PDE1A: variants seen among roughly 807,000 people sequenced by gnomAD.
PDE1A encodes the protein phosphodiesterase 1A, also known as dual specificity calcium/calmodulin-dependent 3',5'-cyclic nucleotide phosphodiesterase 1A.
PDE1A carries 35 observed loss-of-function variants against 61.7 expected under a neutral mutation model. The ratio of observed to expected loss-of-function variants is 0.57; its 90% CI spans 0.43 to 0.75. The LOEUF is 0.75. Ranked by LOEUF, PDE1A falls within the 30% of genes least tolerant of loss-of-function variation. The pLI is 0.00. For synonymous variants in PDE1A, 232 were observed against 213.2 expected, an observed-to-expected ratio of 1.09 and a Z score of -0.77; for missense variants, 597 against 630.6, an observed-to-expected ratio of 0.95 and a Z score of 0.57.
chr2:182,588,252 C>T, the PDE1A span, among the ~76,000 whole-genome samples: 2 of 152,176 alleles, frequency 1.3e-5, no homozygotes, highest in African/African-American at 4.8e-5. Context: ...AGTTGAGCTT[C>T]TCTCTCCAGT....
chr2:182,505,613 A>T (rs1310563571), intron 2 of PDE1A, among the ~76,000 whole-genome samples: 1 of 152,090 alleles, frequency 6.6e-6, no homozygotes, highest in Non-Finnish European at 1.5e-5. Flanking sequence ...GGAGTGGTTT[A>T]TATCCACCCC....
chr2:182,557,347 G>A, the PDE1A span, among the ~76,000 whole-genome samples: 2 of 152,110 alleles, frequency 1.3e-5, no homozygotes, highest in Non-Finnish European at 2.9e-5. Context: ...ATTATTGTCT[G>A]AACATAATTT....
chr2:182,573,860 T>C, the PDE1A span, among the ~76,000 whole-genome samples: 1 of 144,226 alleles, frequency 6.9e-6, no homozygotes, highest in African/African-American at 2.6e-5. Flanking sequence ...TATATATTTA[T>C]ATATACATAT....
chr2:182,330,614 C>A (rs1261681339), intron 1 of PDE1A, among the ~76,000 whole-genome samples: 4 of 152,158 alleles, frequency 2.6e-5, no homozygotes, highest in Admixed American at 1.3e-4. Context: ...ACTGTCCCCT[C>A]TGTCGCCCTC....
the PDE1A span, among the ~76,000 whole-genome samples, chr2:182,589,798 C>T: frequency 6.6e-6 from 1 of 152,192 alleles, no homozygotes. Flanking sequence ...CTATTCCATA[C>T]ATCAGTCCCA....
chr2:182,223,386 A>G (rs957018307), intron 7 of PDE1A, among the ~76,000 whole-genome samples: 4 of 152,084 alleles, frequency 2.6e-5, no homozygotes, highest in Admixed American at 1.3e-4. Flanking sequence ...AATAACTTCC[A>G]TTGTAACCAT....
At chr2:182,543,454 G>T in the PDE1A span, among the ~76,000 whole-genome samples, 12 of 152,272 alleles carry the variant, frequency 7.9e-5, no homozygotes, top group East Asian at 2.1e-3. Flanking sequence ...ACTGAGATTT[G>T]TTTGGGTAGT....
chr2:182,229,710 T>A (rs1238184908), intron 6 of PDE1A, among the ~76,000 whole-genome samples: 3 of 152,100 alleles, frequency 2.0e-5, no homozygotes, highest in Non-Finnish European at 4.4e-5. Flanking sequence ...TAGGTCACTT[T>A]TTTTGGTTGA....
At chr2:182,203,017 T>TA (rs1014543437) in intron 8 of PDE1A, among the ~76,000 whole-genome samples, 7 of 152,216 alleles carry the variant, frequency 4.6e-5, no homozygotes, top group Non-Finnish European at 8.8e-5. Context: ...ATTGCCTTTT[T>TA]AAAAAAACTA....
Position 182,498,702 on chromosome 2 carries a change from T to C in PDE1A, c.101+23574A>G, listed in dbSNP as rs570901975. Among the ~76,000 whole-genome samples, 9 of 152,156 alleles carry C rather than the reference T, an allele frequency of 5.9e-5. 1 individual carries two copies. The South Asian group carries it at 1.7e-3, about 28-fold the overall frequency. On this transcript the variant is annotated intron_variant, in intron 2 of 14. Coordinates refer to the PDE1A transcript ENST00000410103. ...GCTGACACCTGTAATTCCAGCACTT[T>C]GGGAGGTCGAGGCAGGCAGATCATG...
chr2:182,592,709 G>A, the PDE1A span, among the ~76,000 whole-genome samples: 1 of 152,148 alleles, frequency 6.6e-6, no homozygotes, highest in South Asian at 2.1e-4. Context: ...AGGTGTTTTG[G>A]ATAAATTATA....
chr2:182,218,905 C>T (rs932196680), intron 7 of PDE1A, among the ~76,000 whole-genome samples: 7 of 151,998 alleles, frequency 4.6e-5, no homozygotes, highest in African/African-American at 1.2e-4. Context: ...AATCCAGACA[C>T]CTGCAAAATA....
At chr2:182,638,800 G>A in the PDE1A span, among the ~76,000 whole-genome samples, 1 of 152,148 alleles carries the variant, frequency 6.6e-6, no homozygotes, top group Non-Finnish European at 1.5e-5. Flanking sequence ...CTAGGGGCTC[G>A]CACTGAGATG....
chr2:182,209,946 G>T (rs1294283119), intron 7 of PDE1A, among the ~76,000 whole-genome samples: 1 of 152,166 alleles, frequency 6.6e-6, no homozygotes, highest in Non-Finnish European at 1.5e-5. Context: ...ATGCATTCAT[G>T]TTTCCTTCAT....
At chr2:182,540,372 A>AG in the PDE1A span, among the ~76,000 whole-genome samples, 1 of 133,096 alleles carries the variant, frequency 7.5e-6, no homozygotes, top group Non-Finnish European at 1.7e-5. Flanking sequence ...CAAAGAAAAA[A>AG]AAAAAAAAAA....
At chr2:182,645,434 T>A in the PDE1A span, among the ~76,000 whole-genome samples, 1 of 152,212 alleles carries the variant, frequency 6.6e-6, no homozygotes. Flanking sequence ...TTTTCACATT[T>A]TCTTCATCTT....
intron 10 of PDE1A, among the ~76,000 whole-genome samples, chr2:182,196,917 C>G (rs1470847344): frequency 6.6e-6 from 1 of 151,590 alleles, no homozygotes; most frequent in Non-Finnish European, 1.5e-5. Flanking sequence ...GGCATAAATA[C>G]TCATTTATCT....
intron 1 of PDE1A, among the ~76,000 whole-genome samples, chr2:182,406,157 T>C (rs989615662): frequency 2.0e-5 from 3 of 152,104 alleles, no homozygotes; most frequent in African/African-American, 7.2e-5. Context: ...TATATAGCTC[T>C]ATTATTATTA....
chr2:182,190,116 T>C (rs1169838743), intron 10 of PDE1A, among the ~76,000 whole-genome samples: 1 of 152,238 alleles, frequency 6.6e-6, no homozygotes, highest in African/African-American at 2.4e-5. Context: ...TGAGAATATC[T>C]TCTAGAGCAG....
Sources: gnomAD v4.1 joint callset for allele counts (sites outside exome capture counted in the v4.1 genomes callset) on GRCh38, gnomAD v4.1.1 for gene constraint, MANE v1.5 for transcripts, NCBI Gene and HGNC (gene_info 2026-07-23, HGNC 2026-07-21) for gene names.